Variants in KHDRBS2 observed in about 807,000 individuals in gnomAD.
KHDRBS2 encodes the protein KH domain-containing, RNA-binding, signal transduction-associated protein 2.
KHDRBS2 carries 26 observed loss-of-function variants against 44.3 expected under a neutral mutation model. The observed-to-expected ratio is 0.59, with a 90% CI of 0.43 to 0.81. The LOEUF (loss-of-function observed/expected upper bound fraction) is 0.81, where lower values mean the gene tolerates loss of function less well. Ranked by LOEUF, KHDRBS2 falls within the 40% of genes least tolerant of loss-of-function variation. KHDRBS2 has a pLI of 0.00. For missense variants in KHDRBS2, 476 were observed against 433.1 expected, an observed-to-expected ratio of 1.10 and a Z score of -0.88; for synonymous variants, 194 against 151.1, an observed-to-expected ratio of 1.28 and a Z score of -2.08.
the KHDRBS2 span, among the ~76,000 whole-genome samples, chr6:61,565,060 T>A: frequency 1.3e-5 from 2 of 151,822 alleles, no homozygotes; most frequent in South Asian, 4.1e-4. Context: ...AGAACACACA[T>A]TAAGGGAAGG....
chr6:62,010,010 A>G (rs1271624424), intron 3 of KHDRBS2, among the ~76,000 whole-genome samples: 1 of 152,106 alleles, frequency 6.6e-6, no homozygotes, highest in Non-Finnish European at 1.5e-5. Context: ...CGTCCTCCAG[A>G]TCCCAGAATG....
At chr6:62,075,794 G>C (rs1302690838) in intron 2 of KHDRBS2, among the ~76,000 whole-genome samples, 1 of 151,414 alleles carries the variant, frequency 6.6e-6, no homozygotes, top group Non-Finnish European at 1.5e-5. Context: ...GCCTCTGTAG[G>C]TAATAGAGCC....
intron 4 of KHDRBS2, among the ~76,000 whole-genome samples, chr6:61,935,140 G>A (rs1303628582): frequency 2.0e-5 from 3 of 152,134 alleles, no homozygotes; most frequent in Admixed American, 6.6e-5. Context: ...GGAAATTTAG[G>A]TAGATTCTTG....
At chr6:61,724,780 C>T (rs1773277894) in intron 7 of KHDRBS2, among the ~76,000 whole-genome samples, 1 of 152,086 alleles carries the variant, frequency 6.6e-6, no homozygotes, top group African/African-American at 2.4e-5. Context: ...TATATATGCA[C>T]CCAATACAGG....
chr6:61,632,294 A>C, the KHDRBS2 span, among the ~76,000 whole-genome samples: 1 of 152,136 alleles, frequency 6.6e-6, no homozygotes, highest in South Asian at 2.1e-4. Flanking sequence ...TAGTATGAGA[A>C]TCTAGTAAAC....
At chr6:61,622,850 C>T in the KHDRBS2 span, among the ~76,000 whole-genome samples, 2 of 151,986 alleles carry the variant, frequency 1.3e-5, no homozygotes, top group African/African-American at 4.8e-5. Flanking sequence ...GGTAGCTCTC[C>T]TCTGCAAGCC....
chr6:61,647,514 G>A, the KHDRBS2 span, among the ~76,000 whole-genome samples: 9 of 151,984 alleles, frequency 5.9e-5, no homozygotes, highest in East Asian at 1.9e-4. Flanking sequence ...GATATGAATC[G>A]TCTTCAGTTA....
chr6:62,198,367 G>A (rs1272365632), intron 1 of KHDRBS2, among the ~76,000 whole-genome samples: 5 of 151,668 alleles, frequency 3.3e-5, no homozygotes, highest in African/African-American at 2.4e-5. Context: ...AAAGAGAGAA[G>A]AATCAAATAG....
chr6:62,253,479 G>A (rs559711869), intron 1 of KHDRBS2, among the ~76,000 whole-genome samples: 18 of 151,794 alleles, frequency 1.2e-4, no homozygotes, highest in African/African-American at 4.1e-4. Context: ...TATTCCCCCT[G>A]CAACCCTGCC....
intron 2 of KHDRBS2, among the ~76,000 whole-genome samples, chr6:62,143,389 G>T (rs187877247): frequency 6.6e-6 from 1 of 152,064 alleles, no homozygotes; most frequent in African/African-American, 2.4e-5. Context: ...AACATGGATA[G>T]AATTAATTTT....
chr6:61,647,376 C>T, the KHDRBS2 span, among the ~76,000 whole-genome samples: 1 of 151,790 alleles, frequency 6.6e-6, no homozygotes, highest in Non-Finnish European at 1.5e-5. Flanking sequence ...AAACAGATAT[C>T]GACAAGTCAA....
chr6:61,796,339 A>C (rs1001137095), intron 6 of KHDRBS2, among the ~76,000 whole-genome samples: 1 of 151,960 alleles, frequency 6.6e-6, no homozygotes, highest in Non-Finnish European at 1.5e-5. Context: ...TGTAATTAGC[A>C]TATAATTATA....
chr6:62,213,624 A>G (rs1463183829), intron 1 of KHDRBS2, among the ~76,000 whole-genome samples: 1 of 151,928 alleles, frequency 6.6e-6, no homozygotes, highest in African/African-American at 2.4e-5. Flanking sequence ...CCTTATTAAA[A>G]TAAAGAATGG....
intron 2 of KHDRBS2, among the ~76,000 whole-genome samples, chr6:62,122,550 A>T (rs1807909109): frequency 6.6e-6 from 1 of 152,172 alleles, no homozygotes; most frequent in Admixed American, 6.5e-5. Context: ...AGTGGTTCAA[A>T]TGCCCATGGT....
chr6:62,001,315 T>C (rs1778196912), intron 3 of KHDRBS2, among the ~76,000 whole-genome samples: 1 of 151,938 alleles, frequency 6.6e-6, no homozygotes, highest in Non-Finnish European at 1.5e-5. Flanking sequence ...CTATTATCTA[T>C]GAATAGAATA....
chr6:62,091,231 A>C (rs1334253663), intron 2 of KHDRBS2, among the ~76,000 whole-genome samples: 40 of 152,208 alleles, frequency 2.6e-4, no homozygotes, highest in Admixed American at 2.6e-3. Flanking sequence ...AAGAAGCCCA[A>C]AGGTCACTGA....
intron 4 of KHDRBS2, among the ~76,000 whole-genome samples, chr6:61,961,628 T>C (rs1189927514): frequency 2.0e-5 from 3 of 151,894 alleles, no homozygotes; most frequent in African/African-American, 4.8e-5. Context: ...TGGAGACTTG[T>C]GGGGAGGCTT....
the KHDRBS2 span, among the ~76,000 whole-genome samples, chr6:61,614,558 T>A: frequency 6.6e-6 from 1 of 152,186 alleles, no homozygotes; most frequent in Non-Finnish European, 1.5e-5. Context: ...TCTTTTAGGG[T>A]GGGACTTAAA....
intron 2 of KHDRBS2, among the ~76,000 whole-genome samples, chr6:62,088,385 C>A (rs140459604): frequency 6.6e-6 from 1 of 152,232 alleles, no homozygotes; most frequent in East Asian, 1.9e-4. Context: ...GGAGTTTTTG[C>A]ATGGTCATTC....
Sources: allele counts gnomAD v4.1 joint callset (sites outside exome capture counted in the v4.1 genomes callset), GRCh38; gene constraint gnomAD v4.1.1; transcripts MANE v1.5; gene names NCBI Gene and HGNC (gene_info 2026-07-23, HGNC 2026-07-21).